SLC24A2: variants seen among roughly 807,000 people sequenced by gnomAD.
SLC24A2 encodes the protein sodium/potassium/calcium exchanger 2.
A neutral mutation model predicts 62.0 loss-of-function variants in SLC24A2; 36 were observed. The ratio of observed to expected loss-of-function variants is 0.58; its 90% CI spans 0.44 to 0.77. SLC24A2 has a LOEUF of 0.77. Ranked by LOEUF, SLC24A2 falls within the 30% of genes least tolerant of loss-of-function variation. The pLI, the probability that SLC24A2 is intolerant of heterozygous loss-of-function variation, is 0.00. For synonymous variants in SLC24A2, 358 were observed against 294.0 expected (o/e 1.22, Z -2.23); for missense variants, 846 against 817.9 (o/e 1.03, Z -0.42).
the SLC24A2 span, among the ~76,000 whole-genome samples, chr9:20,124,249 A>G: frequency 6.6e-5 from 10 of 152,212 alleles, no homozygotes; most frequent in South Asian, 2.1e-3. Flanking sequence ...GTGTTTGATT[A>G]TAGTAGGAAA....
chr9:20,257,741 G>A, the SLC24A2 span, among the ~76,000 whole-genome samples: 2 of 152,136 alleles, frequency 1.3e-5, no homozygotes, highest in African/African-American at 4.8e-5. Flanking sequence ...AGTTTGTTAT[G>A]ACAACTAAAT....
chr9:20,058,492 TACAC>T, the SLC24A2 span, among the ~76,000 whole-genome samples: 68 of 147,806 alleles, frequency 4.6e-4, 1 homozygote, highest in Non-Finnish European at 2.1e-4. Context: ...ATGCCCTTCA[TACAC>T]ACACACACAC....
chr9:19,795,605 C>G, the SLC24A2 span, among the ~76,000 whole-genome samples: 4 of 152,068 alleles, frequency 2.6e-5, no homozygotes, highest in South Asian at 8.3e-4. Flanking sequence ...GACCATCTTT[C>G]AAAGTAATGA....
the SLC24A2 span, among the ~76,000 whole-genome samples, chr9:20,275,409 G>T: frequency 6.6e-6 from 1 of 152,190 alleles, no homozygotes; most frequent in Non-Finnish European, 1.5e-5. Context: ...GTGAAAATGT[G>T]TATAGATACA....
At chr9:19,534,798 GA>G (rs1370618295) in intron 8 of SLC24A2, among the ~76,000 whole-genome samples, 1 of 152,104 alleles carries the variant, frequency 6.6e-6, no homozygotes, top group African/African-American at 2.4e-5. Flanking sequence ...TTGCTATTGT[GA>G]ATAGTGCCAC....
the SLC24A2 span, among the ~76,000 whole-genome samples, chr9:19,975,897 C>T: frequency 9.4e-5 from 7 of 74,288 alleles, no homozygotes; most frequent in South Asian, 6.0e-4. Context: ...CATAAACATA[C>T]GTTTTTGTTT....
chr9:19,911,478 C>T, the SLC24A2 span, among the ~76,000 whole-genome samples: 598 of 152,202 alleles, frequency 3.9e-3, 3 homozygotes, highest in African/African-American at 0.014. Context: ...TTCTAGATCC[C>T]TGAGGAATTG....
chr9:19,614,703 G>A (rs1817720195), intron 4 of SLC24A2, among the ~76,000 whole-genome samples: 1 of 151,876 alleles, frequency 6.6e-6, no homozygotes, highest in Non-Finnish European at 1.5e-5. Context: ...TGGAAGGTTT[G>A]CTCTTGGAAC....
the SLC24A2 span, among the ~76,000 whole-genome samples, chr9:20,118,541 GT>G: frequency 8.6e-5 from 13 of 151,236 alleles, no homozygotes; most frequent in African/African-American, 2.2e-4. Flanking sequence ...CTGTTCTTAA[GT>G]TTTTTTTTAT....
chr9:20,202,009 A>G, the SLC24A2 span, among the ~76,000 whole-genome samples: 1 of 151,458 alleles, frequency 6.6e-6, no homozygotes, highest in Non-Finnish European at 1.5e-5. Context: ...ATCTTTGGGA[A>G]GTCGCCAGAA....
the SLC24A2 span, chr9:19,957,796 G>A: frequency 1.2e-3 from 180 of 152,286 alleles, 4 homozygotes; most frequent in East Asian, 0.031. Context: ...TCATTCAAGC[G>A]GCCTCTCTTT....
Position 19,513,176 on chromosome 9 carries a change from GTATATATA to G in SLC24A2, c.*2969_*2976del, listed in dbSNP as rs60849714. 7.5e-5 allele frequency: 5 copies of G among 66,974 alleles called. No homozygotes were observed. The highest frequency in any genetic ancestry group is 4.9e-4 in the East Asian group (1 of 2,022). The allele number at this position is 66,974 out of a possible 1,614,324, so 4.1% of individuals were successfully genotyped here. On this transcript the variant is annotated 3_prime_UTR_variant, in exon 11 of 11. Coordinates refer to ENST00000341998, the MANE Select transcript of SLC24A2 (RefSeq NM_020344.4). ...AAGATATATATATATATATATATAT[GTATATATA>G]TATATATGTATATATTTATATATGT... is the stretch of plus-strand genomic sequence containing the variant.
rs906773060 is a variant in SLC24A2, at chr9:19,507,542, G to A, written c.*8611C>T. On this transcript the variant is annotated 3_prime_UTR_variant, in exon 11 of 11. Coordinates refer to ENST00000341998, the MANE Select transcript of SLC24A2 (RefSeq NM_020344.4). ...GTGATATTCTATGAATTGATTATCA[G>A]TAGTAGAAGCACAAAGGTATGGACA... The A allele has an allele frequency of 2.0e-5, 3 of 152,302 alleles. No individual in the cohort carries two copies. The highest frequency in any genetic ancestry group is 1.3e-4 in the Admixed American group (2 of 15,290). 9.4% of individuals were successfully genotyped at this position (152,302 alleles called of 1,614,324 possible). A position where few individuals can be genotyped will look rare whatever the true frequency, so the allele number is the denominator to read the frequency against.
chr9:20,144,390 A>G, the SLC24A2 span, among the ~76,000 whole-genome samples: 3 of 152,190 alleles, frequency 2.0e-5, no homozygotes, highest in African/African-American at 7.2e-5. Context: ...GAAAACAAAC[A>G]CAGCCTTCTG....
At chr9:20,048,503 T>G in the SLC24A2 span, among the ~76,000 whole-genome samples, 1 of 143,746 alleles carries the variant, frequency 7.0e-6, no homozygotes, top group Admixed American at 7.9e-5. Context: ...TGGGATATTA[T>G]TTAGAAAAAC....
the SLC24A2 span, among the ~76,000 whole-genome samples, chr9:20,185,770 G>A: frequency 7.9e-5 from 12 of 152,098 alleles, no homozygotes; most frequent in African/African-American, 2.9e-4. Context: ...AGCCCCCAAG[G>A]TGACTCAAGC....
chr9:19,699,778 T>C (rs1820302417), intron 2 of SLC24A2, among the ~76,000 whole-genome samples: 1 of 152,212 alleles, frequency 6.6e-6, no homozygotes, highest in South Asian at 2.1e-4. Flanking sequence ...TGCAAGGAGA[T>C]TCCATTATTT....
At chr9:19,587,565 A>G (rs748239194) in intron 5 of SLC24A2, among the ~76,000 whole-genome samples, 20 of 152,216 alleles carry the variant, frequency 1.3e-4, no homozygotes, top group Non-Finnish European at 2.1e-4. Context: ...GACTAAAATG[A>G]GATGATTAGG....
the SLC24A2 span, among the ~76,000 whole-genome samples, chr9:20,027,652 G>C: frequency 6.6e-6 from 1 of 152,164 alleles, no homozygotes; most frequent in Admixed American, 6.5e-5. Flanking sequence ...TGAGGTTTTT[G>C]AAGGGAAGGA....
Sources: allele counts gnomAD v4.1 joint callset (sites outside exome capture counted in the v4.1 genomes callset), GRCh38; gene constraint gnomAD v4.1.1; transcripts MANE v1.5; gene names NCBI Gene and HGNC (gene_info 2026-07-23, HGNC 2026-07-21).